Variants in TMEM132C observed in about 807,000 individuals in gnomAD.
TMEM132C encodes protein phosphatase 1, regulatory subunit 152.
TMEM132C carries 29 observed loss-of-function variants against 61.4 expected under a neutral mutation model. The observed-to-expected ratio is 0.47, with a 90% CI of 0.35 to 0.64. The LOEUF (loss-of-function observed/expected upper bound fraction) is 0.64, where lower values mean the gene tolerates loss of function less well. Ranked by LOEUF, TMEM132C falls within the 30% of genes least tolerant of loss-of-function variation. The probability of loss-of-function intolerance (pLI) is 0.00; values close to 1 mark genes in which losing one functional copy is unlikely to be tolerated. For synonymous variants in TMEM132C, 656 were observed against 633.1 expected (o/e 1.04, Z -0.54); for missense variants, 1,408 against 1,476.9 (o/e 0.95, Z 0.76).
chr12:128,520,134 C>T (rs889473875), intron 2 of TMEM132C, among the ~76,000 whole-genome samples: 1 of 152,168 alleles, frequency 6.6e-6, no homozygotes, highest in Non-Finnish European at 1.5e-5. Flanking sequence ...ATGCTGGGTT[C>T]CCCCAGACAC....
chr12:128,476,528 T>G (rs191489279), intron 2 of TMEM132C, among the ~76,000 whole-genome samples: 1 of 152,302 alleles, frequency 6.6e-6, no homozygotes, highest in East Asian at 1.9e-4. Context: ...TAAAGTCATC[T>G]AGAAAAAAGC....
At chr12:128,572,907 A>G (rs1040528155) in intron 3 of TMEM132C, among the ~76,000 whole-genome samples, 1 of 152,262 alleles carries the variant, frequency 6.6e-6, no homozygotes, top group East Asian at 1.9e-4. Flanking sequence ...ATGAGATACC[A>G]TCTCACACCA....
chr12:128,409,895 C>T (rs1166775971), intron 1 of TMEM132C, among the ~76,000 whole-genome samples: 4 of 152,066 alleles, frequency 2.6e-5, no homozygotes, highest in Admixed American at 6.5e-5. Context: ...AGAAAGAAGA[C>T]GATGATGACA....
At chr12:128,322,232 A>G (rs1020041579) in intron 1 of TMEM132C, among the ~76,000 whole-genome samples, 1 of 152,194 alleles carries the variant, frequency 6.6e-6, no homozygotes, top group African/African-American at 2.4e-5. Context: ...CCATGTAGAG[A>G]GGCTGCCTGT....
Position 128,314,630 on chromosome 12 carries a change from A to G in TMEM132C, c.85+47143A>G, listed in dbSNP as rs990920763. Among the ~76,000 whole-genome samples, 10 of 152,098 alleles carry G rather than the reference A, an allele frequency of 6.6e-5. No homozygotes were observed. In the East Asian group the frequency reaches 1.2e-3, roughly 18 times the overall value. On this transcript the variant is annotated intron_variant, in intron 1 of 8. Transcript: ENST00000435159. The stretch of plus-strand genomic sequence containing the variant: ...GTGGGCTCTAAATCCAGTAACTGGT[A>G]TGTTTATAAGGAGAGGAGAGGAGAC...
intron 4 of TMEM132C, among the ~76,000 whole-genome samples, chr12:128,647,098 T>C (rs969998324): frequency 6.6e-6 from 1 of 150,806 alleles, no homozygotes; most frequent in African/African-American, 2.5e-5. Flanking sequence ...CCCATCAGCG[T>C]TGGATGTGAG....
chr12:128,378,242 G>A (rs901209639), intron 1 of TMEM132C, among the ~76,000 whole-genome samples: 1 of 151,938 alleles, frequency 6.6e-6, no homozygotes, highest in African/African-American at 2.4e-5. Context: ...AGCCTCCCGA[G>A]TAGCTGGGAC....
chr12:128,537,028 G>A (rs2136141417), intron 2 of TMEM132C, among the ~76,000 whole-genome samples: 1 of 152,312 alleles, frequency 6.6e-6, no homozygotes, highest in Non-Finnish European at 1.5e-5. Flanking sequence ...TAAGCCATAG[G>A]AGGAGTCATG....
At chr12:128,486,392 C>T (rs1423370307) in intron 2 of TMEM132C, among the ~76,000 whole-genome samples, 10 of 151,970 alleles carry the variant, frequency 6.6e-5, no homozygotes, top group Non-Finnish European at 1.3e-4. Flanking sequence ...ATTAAGGGAA[C>T]ACACAAAACT....
At chr12:128,551,275 G>GA (rs1212727521) in intron 3 of TMEM132C, among the ~76,000 whole-genome samples, 3 of 151,782 alleles carry the variant, frequency 2.0e-5, no homozygotes, top group African/African-American at 7.3e-5. Context: ...CATTTGTTAG[G>GA]AAAACTGTCA....
chr12:128,456,249 T>C (rs1390368997), intron 2 of TMEM132C, among the ~76,000 whole-genome samples: 1 of 152,104 alleles, frequency 6.6e-6, no homozygotes, highest in East Asian at 1.9e-4. Flanking sequence ...CGATGCAGTC[T>C]TCAGAGATGT....
intron 3 of TMEM132C, among the ~76,000 whole-genome samples, chr12:128,554,544 A>G (rs73426424): frequency 0.016 from 2,456 of 152,318 alleles, 68 homozygotes; most frequent in African/African-American, 0.056. Flanking sequence ...TCAGGAAGTA[A>G]ATCATGTGCA....
At position 128,314,187 on chromosome 12, in the gene TMEM132C, T is replaced by A. The variant is rs537986369; in HGVS notation, c.85+46700T>A. ...GAAATCTGTTACTTCAGTCACTTAT[T>A]GTTGGAGCCAAAAATATCCCTGGAG... On this transcript the variant is annotated intron_variant, in intron 1 of 8. Transcript: ENST00000435159. 3.3e-5 allele frequency among the ~76,000 whole-genome samples: 5 copies of A among 152,320 alleles called. No individual in the cohort carries two copies. In the East Asian group the frequency reaches 7.7e-4, roughly 24 times the overall value.
chr12:128,705,866 C>T lies in TMEM132C; in HGVS notation c.2898C>T (p.Thr966=). 6.4e-7 allele frequency: 1 copy of T among 1,551,630 alleles called. No individual in the cohort carries two copies. Among genetic ancestry groups the T allele is most frequent in the Non-Finnish European group, 8.7e-7 (1 of 1,147,016 alleles). Reference sequence around the variant, plus strand: ...CCCTGGAAGGTCAGGCCTCCATGACCCACTCTCACGACTGGGTGTGGCTTG... The same window carrying T: ...CCCTGGAAGGTCAGGCCTCCATGACTCACTCTCACGACTGGGTGTGGCTTG... ...QVPLEGQASM[T]HSHDWVWLGN... is the part of the protein sequence containing the mutation. Residue 966 remains threonine (T), a synonymous_variant, in exon 9 of 9, where the codon ACC becomes ACT. Transcript: ENST00000435159.
At chr12:128,579,246 C>A (rs965964110) in intron 3 of TMEM132C, among the ~76,000 whole-genome samples, 2 of 152,240 alleles carry the variant, frequency 1.3e-5, no homozygotes, top group African/African-American at 4.8e-5. Context: ...GCTCTGCCCT[C>A]CCTACATATC....
intron 4 of TMEM132C, among the ~76,000 whole-genome samples, chr12:128,649,110 C>T (rs1038554837): frequency 1.3e-5 from 2 of 152,344 alleles, no homozygotes; most frequent in South Asian, 4.1e-4. Context: ...CAGGTGATTG[C>T]CAGCCTGGCT....
At chr12:128,497,282 A>T (rs370407359) in intron 2 of TMEM132C, among the ~76,000 whole-genome samples, 105 of 152,284 alleles carry the variant, frequency 6.9e-4, no homozygotes, top group Middle Eastern at 3.4e-3. Flanking sequence ...GGGGTCAGGG[A>T]CCCACTTGAG....
chr12:128,504,472 A>C (rs1872288869), intron 2 of TMEM132C, among the ~76,000 whole-genome samples: 1 of 152,202 alleles, frequency 6.6e-6, no homozygotes, highest in South Asian at 2.1e-4. Flanking sequence ...GGCTGCCATA[A>C]GATGATACCA....
At chr12:128,308,354 T>C (rs1246315628) in intron 1 of TMEM132C, among the ~76,000 whole-genome samples, 1 of 152,194 alleles carries the variant, frequency 6.6e-6, no homozygotes, top group African/African-American at 2.4e-5. Flanking sequence ...TGGCCAGTTT[T>C]TTTTTTCTTT....
Sources: gnomAD v4.1 joint callset for allele counts (sites outside exome capture counted in the v4.1 genomes callset) on GRCh38, gnomAD v4.1.1 for gene constraint, MANE v1.5 for transcripts, NCBI Gene and HGNC (gene_info 2026-07-23, HGNC 2026-07-21) for gene names.